FREM2: variants seen among roughly 807,000 people sequenced by gnomAD.
FREM2 encodes FRAS1-related extracellular matrix protein 2.
A neutral mutation model predicts 219.9 loss-of-function variants in FREM2; 119 were observed. The ratio of observed to expected loss-of-function variants is 0.54; its 90% CI spans 0.47 to 0.63. The LOEUF (loss-of-function observed/expected upper bound fraction) is 0.63. Among genes scored for constraint, FREM2 ranks in the 30% least tolerant of loss-of-function variants. The pLI is 0.00. For synonymous variants in FREM2, 1,562 were observed against 1,522.8 expected (o/e 1.03, Z -0.60); for missense variants, 4,030 against 3,993.6 (o/e 1.01, Z -0.25).
At chr13:38,855,811 C>A (rs1877534414) in intron 11 of FREM2, among the ~76,000 whole-genome samples, 1 of 151,912 alleles carries the variant, frequency 6.6e-6, no homozygotes, top group Non-Finnish European at 1.5e-5. Flanking sequence ...GAAACAAAAT[C>A]TCAGAAATCA....
chr13:38,803,011 A>C lies in FREM2; in HGVS notation c.6019+18203A>C, dbSNP rs75703626. 2.1e-3 allele frequency among the ~76,000 whole-genome samples: 327 copies of C among 152,254 alleles called. 5 individuals carry two copies. In the East Asian group the frequency reaches 0.057, roughly 26 times the overall value. ...GGTGCTTCCCATTGCTTCTCTGTTG[A>C]ATCCCAATATGGTCCCTTAGATTGT... On this transcript the variant is annotated intron_variant, in intron 6 of 23. Transcript: ENST00000280481.
In FREM2 at chr13:38,859,336, C is replaced by G. The variant is rs1877672679; in HGVS notation, c.7265C>G (p.Ala2422Gly). 6.2e-7 allele frequency: 1 copy of G among 1,614,098 alleles called. No individual in the cohort carries two copies. Among genetic ancestry groups the G allele is most frequent in the Non-Finnish European group, 8.5e-7 (1 of 1,180,048 alleles). Residue 2422 changes from alanine to glycine, a missense_variant, in exon 14 of 24, where the codon GCA becomes GGA. This residue lies in a region of FREM2 where 928 missense variants were observed against 1,042.9 expected (regional missense o/e 0.89). Coordinates refer to ENST00000280481, the MANE Select transcript of FREM2 (RefSeq NM_207361.6). ...SDYDKTGSIC[A>G]SENINDTLTR... ...TACGATAAAACAGGCTCTATCTGTGCAAGTGAGAACATCAATGACACTTTG... is the reference window on the plus strand; with the variant it reads ...TACGATAAAACAGGCTCTATCTGTGGAAGTGAGAACATCAATGACACTTTG...
intron 4 of FREM2, among the ~76,000 whole-genome samples, chr13:38,777,194 T>C (rs916050507): frequency 2.0e-5 from 3 of 152,206 alleles, no homozygotes; most frequent in African/African-American, 4.8e-5. Context: ...ATAATTTCTA[T>C]GAAAATACTG....
rs111809570 is a variant in FREM2 at position 38,757,056 on chromosome 13, C to A, written c.5264-7248C>A. 5.9e-3 allele frequency among the ~76,000 whole-genome samples: 902 copies of A among 152,148 alleles called. 13 individuals carry two copies. Among genetic ancestry groups the A allele is most frequent in the African/African-American group, 0.021 (871 of 41,488 alleles). ...CCAAGTGTATTAATTTGGGGGCTAA[C>A]ATAAATTTTCATGAGTAGAGCAGTT... On this transcript the variant is annotated intron_variant, in intron 2 of 23. Coordinates refer to ENST00000280481, the MANE Select transcript of FREM2 (RefSeq NM_207361.6).
At chr13:38,764,537 T>C (rs1448765737) in intron 3 of FREM2, 87 bp downstream of exon 3, 23 of 809,700 alleles carry the variant, frequency 2.8e-5, no homozygotes, top group South Asian at 5.4e-5. Flanking sequence ...ATCAGTTTAG[T>C]TCACTTAGAG....
chr13:38,692,372 G>T lies in FREM2; in HGVS notation c.5028G>T (p.Gly1676=). ...GCACTCTAGCCACTGGCCACTTGGG[G>T]TTCATGATCACAAGCAAAATATTGA... ...TLRTLATGHL[G]FMITSKILKV... The change falls in exon 1 of 24, where the codon GGG becomes GGT. Residue 1676 remains glycine (G), a synonymous_variant. Transcript: ENST00000280481. 2 of 1,607,910 alleles carry T rather than the reference G, an allele frequency of 1.2e-6. No individual in the cohort carries two copies. Among genetic ancestry groups the T allele is most frequent in the Non-Finnish European group, 1.7e-6 (2 of 1,176,260 alleles).
chr13:38,869,305 G>C (rs1355647594), intron 16 of FREM2, among the ~76,000 whole-genome samples: 1 of 152,172 alleles, frequency 6.6e-6, no homozygotes, highest in Non-Finnish European at 1.5e-5. Flanking sequence ...TTAGTTAACA[G>C]GATAGTTATC....
intron 2 of FREM2, among the ~76,000 whole-genome samples, chr13:38,707,419 A>T (rs1870584943): frequency 6.6e-6 from 1 of 152,212 alleles, no homozygotes; most frequent in Admixed American, 6.5e-5. Context: ...TGCTAAGCTT[A>T]GAAAATAGCA....
At position 38,850,960 on chromosome 13, in the gene FREM2, C is replaced by T. The variant is rs750871074; in HGVS notation, c.6594C>T (p.Pro2198=). The T allele has an allele frequency of 3.1e-6, 5 of 1,612,594 alleles. No homozygotes were observed. The East Asian group carries it at 1.1e-4, about 36-fold the overall frequency. The change falls in exon 10 of 24, where the codon CCC becomes CCT. Residue 2198 remains proline (P), a synonymous_variant. Transcript: ENST00000280481. The part of the protein sequence containing the change: ...ITFLPGETEK[P]CILELMDDVL... ...TTGTTCCAGGTGAGACAGAAAAGCC[C>T]TGCATTCTTGAGCTGATGGACGATG...
chr13:38,872,419 A>G (rs1036609476), intron 16 of FREM2, among the ~76,000 whole-genome samples: 3 of 152,118 alleles, frequency 2.0e-5, no homozygotes, highest in African/African-American at 7.2e-5. Context: ...TTTACTTTAA[A>G]TAGGTGAATT....
At chr13:38,866,484 C>T (rs935999981) in intron 16 of FREM2, among the ~76,000 whole-genome samples, 2 of 149,880 alleles carry the variant, frequency 1.3e-5, no homozygotes, top group Admixed American at 6.7e-5. Flanking sequence ...GGCAACAGAG[C>T]GAGACTCTGT....
chr13:38,807,722 C>T (rs1242129578), intron 6 of FREM2, among the ~76,000 whole-genome samples: 1 of 151,884 alleles, frequency 6.6e-6, no homozygotes, highest in Non-Finnish European at 1.5e-5. Flanking sequence ...TTAAAATATT[C>T]ATTAAACTAT....
At chr13:38,825,397 C>CA (rs1876241055) in intron 6 of FREM2, among the ~76,000 whole-genome samples, 2 of 151,428 alleles carry the variant, frequency 1.3e-5, no homozygotes, top group East Asian at 1.9e-4. Context: ...TTATAATATA[C>CA]AAAAAAATTA....
At chr13:38,853,313 G>A (rs150495901) in intron 11 of FREM2, among the ~76,000 whole-genome samples, 2,612 of 121,460 alleles carry the variant, frequency 0.022, 19 homozygotes, top group South Asian at 0.041. Flanking sequence ...GCAAAACTCC[G>A]TCTGAAAAAA....
chr13:38,798,888 A>G (rs1476320039), intron 6 of FREM2, among the ~76,000 whole-genome samples: 1 of 151,902 alleles, frequency 6.6e-6, no homozygotes, highest in East Asian at 1.9e-4. Context: ...CTAGAGGTTT[A>G]TCAATTTCAT....
chr13:38,713,604 T>A (rs529009396), intron 2 of FREM2, among the ~76,000 whole-genome samples: 1 of 152,230 alleles, frequency 6.6e-6, no homozygotes, highest in Non-Finnish European at 1.5e-5. Flanking sequence ...TTATCTCCTG[T>A]GATTTATCGG....
At chr13:38,802,935 G>C (rs1385781064) in intron 6 of FREM2, among the ~76,000 whole-genome samples, 1 of 152,186 alleles carries the variant, frequency 6.6e-6, no homozygotes, top group South Asian at 2.1e-4. Context: ...CCAGCTCCCA[G>C]CCAATCCCAG....
intron 6 of FREM2, among the ~76,000 whole-genome samples, chr13:38,815,566 A>G (rs1342986639): frequency 6.6e-6 from 1 of 152,222 alleles, no homozygotes; most frequent in African/African-American, 2.4e-5. Context: ...TTAAACAACT[A>G]TATGCCAACA....
At chr13:38,782,242 C>T (rs1262452805) in intron 4 of FREM2, among the ~76,000 whole-genome samples, 3 of 152,262 alleles carry the variant, frequency 2.0e-5, no homozygotes, top group Non-Finnish European at 4.4e-5. Flanking sequence ...GAAACAAACT[C>T]CCAGTCAAAT....
Sources: gnomAD v4.1 joint callset for allele counts (sites outside exome capture counted in the v4.1 genomes callset) on GRCh38, gnomAD v4.1.1 for gene constraint, gnomAD v4.1.1 regional missense constraint, MANE v1.5 for transcripts, NCBI Gene and HGNC (gene_info 2026-07-23, HGNC 2026-07-21) for gene names.